The following HDAC1 variants were observed in gnomAD, a reference collection of about 807,000 sequenced individuals.
HDAC1 encodes the protein protein deacetylase HDAC1.
A neutral mutation model predicts 65.5 loss-of-function variants in HDAC1; 18 were observed. The ratio of observed to expected loss-of-function variants is 0.27; its 90% CI spans 0.19 to 0.41. The LOEUF is 0.41. Among genes scored for constraint, HDAC1 ranks in the 10% least tolerant of loss-of-function variants. The probability of loss-of-function intolerance (pLI) is 1.00; values close to 1 mark genes in which losing one functional copy is unlikely to be tolerated. For synonymous variants in HDAC1, 211 were observed against 227.9 expected (o/e 0.93, Z 0.67); for missense variants, 373 against 625.2 (o/e 0.60, Z 4.30).
At chr1:32,317,333 T>C (rs537035158) in intron 3 of HDAC1, among the ~76,000 whole-genome samples, 1 of 152,258 alleles carries the variant, frequency 6.6e-6, no homozygotes, top group East Asian at 1.9e-4. Flanking sequence ...ACGCTTAGTT[T>C]GTAGGAATCG....
intron 3 of HDAC1, among the ~76,000 whole-genome samples, chr1:32,321,798 A>G (rs1570030607): frequency 6.6e-6 from 1 of 152,236 alleles, no homozygotes; most frequent in East Asian, 1.9e-4. Flanking sequence ...AAATAAGAGT[A>G]TAAACAAAGC....
intron 1 of HDAC1, among the ~76,000 whole-genome samples, chr1:32,299,218 A>G (rs1345648354): frequency 6.6e-6 from 1 of 152,116 alleles, no homozygotes; most frequent in Admixed American, 6.6e-5. Flanking sequence ...CTCCCCTGTC[A>G]TAGCATTTGT....
At chr1:32,316,597 T>C (rs913225229) in intron 2 of HDAC1, 68 bp from the exon 3 acceptor site, 3 of 861,552 alleles carry the variant, frequency 3.5e-6, no homozygotes, top group Non-Finnish European at 6.0e-6. Flanking sequence ...AATATAAATA[T>C]TCAAACTAGA....
In HDAC1 at chr1:32,329,217, G is replaced by A; in HGVS notation, c.729+57G>A. 9.8e-7 allele frequency: 1 copy of A among 1,023,266 alleles called. No homozygotes were observed. The highest frequency in any genetic ancestry group is 1.3e-5 in the South Asian group (1 of 79,218). The allele number at this position is 1,023,266 out of a possible 1,614,324, so 63.4% of individuals were successfully genotyped here. A position where few individuals can be genotyped will look rare whatever the true frequency, so the allele number is the denominator to read the frequency against. On this transcript the variant is annotated intron_variant, in intron 7 of 13. Coordinates refer to ENST00000373548, the MANE Select transcript of HDAC1 (RefSeq NM_004964.3). The surrounding 1 kb of genome is among the most constrained non-coding windows in gnomAD (Gnocchi z 4.1). The stretch of plus-strand genomic sequence containing the variant: ...AACAGGGGATTGGTTGGCGGTGGAG[G>A]GGAGCAAAGCACCCCCACCATACCT...
intron 2 of HDAC1, 64 bp downstream of exon 2, chr1:32,302,797 A>G: frequency 1.3e-6 from 1 of 783,022 alleles, no homozygotes; most frequent in East Asian, 2.5e-5. Context: ...TATGCCATTC[A>G]TTATCTCATT....
chr1:32,292,337 G>T, intron 1 of HDAC1, 119 bp downstream of exon 1: 1 of 1,515,820 alleles, frequency 6.6e-7, no homozygotes, highest in Admixed American at 2.1e-5. Flanking sequence ...GAGAGGCTCG[G>T]AGAGGAGGCT....
At chr1:32,323,837 T>C (rs1419171004) in intron 3 of HDAC1, among the ~76,000 whole-genome samples, 1 of 152,224 alleles carries the variant, frequency 6.6e-6, no homozygotes, top group Non-Finnish European at 1.5e-5. Context: ...TCTGGGTCTC[T>C]GTTCTTGCCC....
intron 3 of HDAC1, 99 bp from the exon 4 acceptor site, chr1:32,324,380 C>T: frequency 2.5e-6 from 2 of 812,762 alleles, no homozygotes; most frequent in Non-Finnish European, 4.3e-6. Context: ...CTAGAACCCA[C>T]ACCTCCTGAA....
intron 1 of HDAC1, among the ~76,000 whole-genome samples, chr1:32,297,261 G>T (rs189322274): frequency 7.7e-4 from 118 of 152,284 alleles, no homozygotes; most frequent in East Asian, 5.2e-3. Context: ...AAAAAAATGG[G>T]CTGGGCATGG....
chr1:32,324,472 T>C lies in HDAC1; in HGVS notation c.281-7T>C, dbSNP rs760468587. On this transcript the variant is annotated splice_polypyrimidine_tract_variant and splice_region_variant and intron_variant, in intron 3 of 13. Coordinates refer to ENST00000373548, the MANE Select transcript of HDAC1 (RefSeq NM_004964.3). ...TGGAAACTAACCTTTTGCTTATTTC[T>C]TTCAAGTCAACGTTGGTGAGGACTG... is the stretch of plus-strand genomic sequence containing the variant. 4 of 1,603,812 alleles carry C rather than the reference T, an allele frequency of 2.5e-6. No homozygotes were observed. The East Asian group carries it at 6.7e-5, about 27-fold the overall frequency.
At position 32,326,997 on chromosome 1, in the gene HDAC1, C is replaced by A. The variant is rs951005325; in HGVS notation, c.414C>A (p.Gly138=). The A allele has an allele frequency of 3.7e-6, 6 of 1,614,054 alleles. No individual in the cohort carries two copies. The highest frequency in any genetic ancestry group is 4.2e-6 in the Non-Finnish European group (5 of 1,179,968). ...ACATCGCTGTGAATTGGGCTGGGGG[C>A]CTGCACCATGCAAAGAAGTCCGAGG... ...QTDIAVNWAG[G]LHHAKKSEAS... is the part of the protein sequence containing the mutation. Residue 138 remains glycine, a synonymous_variant, in exon 5 of 14, where the codon GGC becomes GGA. Transcript: ENST00000373548.
intron 2 of HDAC1, among the ~76,000 whole-genome samples, chr1:32,304,083 A>G (rs945234299): frequency 2.0e-5 from 3 of 152,192 alleles, no homozygotes; most frequent in African/African-American, 7.2e-5. Flanking sequence ...TGGCTGTTAC[A>G]AGAGTCCAAA....
intron 3 of HDAC1, among the ~76,000 whole-genome samples, chr1:32,323,160 G>T (rs1440253266): frequency 6.6e-6 from 1 of 152,054 alleles, no homozygotes; most frequent in East Asian, 1.9e-4. Flanking sequence ...AATCAGCCAG[G>T]TGTGGTGGCA....
intron 2 of HDAC1, among the ~76,000 whole-genome samples, chr1:32,314,426 CAAG>C (rs1641030437): frequency 1.3e-5 from 2 of 152,068 alleles, no homozygotes; most frequent in African/African-American, 2.4e-5. Flanking sequence ...CTCCTGGGTT[CAAG>C]TGATCCACCT....
At chr1:32,292,295 G>T in intron 1 of HDAC1, 77 bp downstream of exon 1, 1 of 1,540,186 alleles carries the variant, frequency 6.5e-7, no homozygotes, top group Non-Finnish European at 8.8e-7. Flanking sequence ...CTGGAGCGCC[G>T]ATGGGAGGCT....
intron 2 of HDAC1, among the ~76,000 whole-genome samples, chr1:32,313,734 A>G (rs1641021647): frequency 6.6e-6 from 1 of 152,102 alleles, no homozygotes; most frequent in African/African-American, 2.4e-5. Flanking sequence ...TATTCTCCCC[A>G]TGTCTGTGTA....
At chr1:32,295,944 A>G (rs535674730) in intron 1 of HDAC1, among the ~76,000 whole-genome samples, 39 of 152,258 alleles carry the variant, frequency 2.6e-4, no homozygotes, top group African/African-American at 7.7e-4. Flanking sequence ...CAGTCACCCA[A>G]TAAGTTATAT....
At chr1:32,314,843 A>G (rs987176633) in intron 2 of HDAC1, among the ~76,000 whole-genome samples, 5 of 151,346 alleles carry the variant, frequency 3.3e-5, no homozygotes, top group Admixed American at 1.3e-4. Flanking sequence ...AAAAAAAAAA[A>G]GGGATATTTC....
chr1:32,294,817 A>G (rs1039759179), intron 1 of HDAC1, among the ~76,000 whole-genome samples: 6 of 145,364 alleles, frequency 4.1e-5, no homozygotes, highest in African/African-American at 7.6e-5. Flanking sequence ...CCCGGCCCCA[A>G]CTTTTTTTTT....
Sources: gnomAD v4.1 joint callset for allele counts (sites outside exome capture counted in the v4.1 genomes callset) on GRCh38, gnomAD v4.1.1 for gene constraint, Gnocchi (gnomAD v3.1) non-coding constraint, MANE v1.5 for transcripts, NCBI Gene and HGNC (gene_info 2026-07-23, HGNC 2026-07-21) for gene names.